The following LINGO2 variants were observed in gnomAD, a reference collection of about 807,000 sequenced individuals.
LINGO2 encodes leucine rich repeat and Ig domain containing 2.
In LINGO2, 14 loss-of-function variants were observed where a neutral mutation model predicts 30.6. That is an observed-to-expected ratio of 0.46 (90% CI 0.30 to 0.72). The LOEUF is 0.72. Among genes scored for constraint, LINGO2 ranks in the 30% least tolerant of loss-of-function variants. LINGO2 has a pLI of 0.07. For missense variants in LINGO2, 729 were observed against 751.7 expected, an observed-to-expected ratio of 0.97 and a Z score of 0.35; for synonymous variants, 317 against 288.5, an observed-to-expected ratio of 1.10 and a Z score of -1.00.
At chr9:28,421,944 G>A (rs771786304) in intron 2 of LINGO2, among the ~76,000 whole-genome samples, 2 of 151,982 alleles carry the variant, frequency 1.3e-5, no homozygotes, top group Non-Finnish European at 2.9e-5. Context: ...GGGAATACAG[G>A]ATATCCACAT....
intron 4 of LINGO2, among the ~76,000 whole-genome samples, chr9:28,292,933 G>T (rs1823785640): frequency 6.6e-6 from 1 of 151,380 alleles, no homozygotes; most frequent in Non-Finnish European, 1.5e-5. Flanking sequence ...ACCACGCTTG[G>T]ATAACTTTTT....
chr9:28,990,121 G>T, the LINGO2 span, among the ~76,000 whole-genome samples: 8 of 152,216 alleles, frequency 5.3e-5, no homozygotes, highest in African/African-American at 1.9e-4. Context: ...AAGGGGTCAG[G>T]GAGTTCCCTT....
intron 4 of LINGO2, among the ~76,000 whole-genome samples, chr9:28,108,312 A>G (rs1296112288): frequency 2.0e-5 from 3 of 152,136 alleles, no homozygotes; most frequent in African/African-American, 7.2e-5. Flanking sequence ...TTCTTCTCAG[A>G]TAAAATTACC....
chr9:28,780,093 A>G, the LINGO2 span, among the ~76,000 whole-genome samples: 5 of 152,194 alleles, frequency 3.3e-5, no homozygotes, highest in Admixed American at 6.5e-5. Flanking sequence ...AAATGACCTT[A>G]AAATGATGTA....
chr9:28,880,171 C>T, the LINGO2 span, among the ~76,000 whole-genome samples: 1 of 152,150 alleles, frequency 6.6e-6, no homozygotes, highest in South Asian at 2.1e-4. Flanking sequence ...TGCAGTGGCA[C>T]GATCTTTGTT....
chr9:28,160,065 T>C (rs898502873), intron 4 of LINGO2, among the ~76,000 whole-genome samples: 2 of 152,150 alleles, frequency 1.3e-5, no homozygotes, highest in Non-Finnish European at 2.9e-5. Flanking sequence ...TGCCAAATTA[T>C]TAGTAAATGT....
chr9:28,253,078 A>G (rs912438078), intron 4 of LINGO2, among the ~76,000 whole-genome samples: 3 of 151,044 alleles, frequency 2.0e-5, no homozygotes, highest in Non-Finnish European at 4.4e-5. Flanking sequence ...AATTTGCTAA[A>G]AAAAAAAAAA....
chr9:28,965,466 C>A, the LINGO2 span, among the ~76,000 whole-genome samples: 1 of 151,996 alleles, frequency 6.6e-6, no homozygotes, highest in African/African-American at 2.4e-5. Flanking sequence ...AATCACTGGA[C>A]AATGAGGATT....
intron 4 of LINGO2, among the ~76,000 whole-genome samples, chr9:28,289,173 T>A (rs183256313): frequency 4.6e-5 from 7 of 152,126 alleles, no homozygotes; most frequent in African/African-American, 1.7e-4. Context: ...TACATCACCA[T>A]AAAATAATGT....
At chr9:28,226,622 AGAAG>A (rs767089433) in intron 4 of LINGO2, among the ~76,000 whole-genome samples, 4 of 89,044 alleles carry the variant, frequency 4.5e-5, no homozygotes, top group African/African-American at 8.1e-5. Flanking sequence ...TAAGAAGGAA[AGAAG>A]GAAAGAAGGA....
At chr9:29,063,442 A>T in the LINGO2 span, among the ~76,000 whole-genome samples, 2 of 149,448 alleles carry the variant, frequency 1.3e-5, no homozygotes, top group African/African-American at 4.9e-5. Context: ...CGCTATTGTC[A>T]CCCAGGCTGG....
intron 1 of LINGO2, among the ~76,000 whole-genome samples, chr9:28,650,375 C>T (rs775237967): frequency 6.6e-6 from 1 of 152,054 alleles, no homozygotes; most frequent in South Asian, 2.1e-4. Context: ...TCTCCAAATT[C>T]GCAAATGTAG....
chr9:28,567,563 C>A (rs1823445917), intron 1 of LINGO2, among the ~76,000 whole-genome samples: 1 of 152,068 alleles, frequency 6.6e-6, no homozygotes, highest in African/African-American at 2.4e-5. Flanking sequence ...TCAAATATTA[C>A]ATGCTCTTAC....
At chr9:28,769,752 T>A in the LINGO2 span, among the ~76,000 whole-genome samples, 898 of 151,236 alleles carry the variant, frequency 5.9e-3, 4 homozygotes, top group Middle Eastern at 0.01. Context: ...GACATTCCTA[T>A]CATGCATAGA....
the LINGO2 span, among the ~76,000 whole-genome samples, chr9:28,985,700 T>C: frequency 6.6e-6 from 1 of 152,098 alleles, no homozygotes; most frequent in African/African-American, 2.4e-5. Flanking sequence ...GCCCATTTTG[T>C]TCTTGTTGTT....
chr9:29,119,577 C>CTTTTTTTTTTTTTTTTTT, the LINGO2 span, among the ~76,000 whole-genome samples: 1 of 82,514 alleles, frequency 1.2e-5, no homozygotes, highest in Non-Finnish European at 2.2e-5. Context: ...CAGTTGTCAT[C>CTTTTTTTTTTTTTTTTTT]TTTTTTTTTT....
the LINGO2 span, among the ~76,000 whole-genome samples, chr9:29,069,221 T>C: frequency 1.3e-5 from 2 of 151,948 alleles, no homozygotes; most frequent in South Asian, 2.1e-4. Context: ...AGAACTAATA[T>C]GCATAATTAG....
exon 6 of LINGO2, chr9:27,949,900 T>C (rs2118305513): frequency 6.2e-7 from 1 of 1,614,036 alleles, no homozygotes; most frequent in East Asian, 2.2e-5. Flanking sequence ...AGATTGGTGT[T>C]GGTGACTGAA....
At chr9:28,923,705 C>T in the LINGO2 span, among the ~76,000 whole-genome samples, 1 of 152,118 alleles carries the variant, frequency 6.6e-6, no homozygotes, top group Non-Finnish European at 1.5e-5. Context: ...CTAACAATTA[C>T]TAATGAAGGA....
Sources: gnomAD v4.1 joint callset for allele counts (sites outside exome capture counted in the v4.1 genomes callset) on GRCh38, gnomAD v4.1.1 for gene constraint, MANE v1.5 for transcripts, NCBI Gene and HGNC (gene_info 2026-07-23, HGNC 2026-07-21) for gene names.